Variants in AKT3 observed in about 807,000 individuals in gnomAD.
The protein encoded by AKT3 is RAC-gamma serine/threonine-protein kinase.
Under a neutral mutation model 65.3 loss-of-function variants are expected in AKT3, and 15 were observed. The ratio of observed to expected loss-of-function variants is 0.23; its 90% CI spans 0.15 to 0.35. The LOEUF is 0.35. Among genes scored for constraint, AKT3 ranks in the 10% least tolerant of loss-of-function variants. The probability of loss-of-function intolerance (pLI) is 1.00; values close to 1 mark genes in which losing one functional copy is unlikely to be tolerated. For synonymous variants in AKT3, 206 were observed against 183.8 expected, an observed-to-expected ratio of 1.12 and a Z score of -0.98; for missense variants, 243 against 576.5, an observed-to-expected ratio of 0.42 and a Z score of 5.92.
At chr1:243,779,958 C>T (rs954143639) in intron 2 of AKT3, among the ~76,000 whole-genome samples, 3 of 151,822 alleles carry the variant, frequency 2.0e-5, no homozygotes, top group African/African-American at 4.8e-5. Flanking sequence ...ACAGAATTCA[C>T]GAGGGAGAAA....
At chr1:243,673,835 G>A (rs1683319653) in intron 3 of AKT3, among the ~76,000 whole-genome samples, 2 of 152,092 alleles carry the variant, frequency 1.3e-5, no homozygotes, top group South Asian at 2.1e-4. Flanking sequence ...GGATGGTCTC[G>A]GTCTCTTGAC....
intron 6 of AKT3, among the ~76,000 whole-genome samples, chr1:243,637,285 A>C (rs1247380170): frequency 6.6e-6 from 1 of 152,134 alleles, no homozygotes; most frequent in Non-Finnish European, 1.5e-5. Context: ...CTTAATAAGA[A>C]ATTCAGAACG....
chr1:243,623,635 T>C (rs1232120820), intron 6 of AKT3, among the ~76,000 whole-genome samples: 2 of 152,186 alleles, frequency 1.3e-5, no homozygotes, highest in Admixed American at 6.5e-5. Context: ...CCAGGCTTTA[T>C]ACCAGCAACT....
chr1:243,717,087 C>T (rs1465130898), intron 2 of AKT3, among the ~76,000 whole-genome samples: 2 of 152,214 alleles, frequency 1.3e-5, no homozygotes, highest in Non-Finnish European at 2.9e-5. Flanking sequence ...CTTCCACACT[C>T]TACCCACCAG....
intron 2 of AKT3, among the ~76,000 whole-genome samples, chr1:243,724,751 T>C (rs543805197): frequency 1.3e-5 from 2 of 152,292 alleles, no homozygotes; most frequent in African/African-American, 4.8e-5. Flanking sequence ...CAGTATCTCC[T>C]GGGAGAAAAA....
chr1:243,738,480 G>C (rs148913316), intron 2 of AKT3, among the ~76,000 whole-genome samples: 3 of 152,192 alleles, frequency 2.0e-5, no homozygotes, highest in African/African-American at 7.2e-5. Flanking sequence ...ACTTTAGGGA[G>C]GTGTCTAGTA....
At chr1:243,499,669 TA>T, downstream of AKT3, 1 of 1,085,862 alleles carries the variant, frequency 9.2e-7, no homozygotes, top group Non-Finnish European at 1.4e-6. Context: ...GTTTTCATCA[TA>T]AAAGGTGACT....
intron 12 of AKT3, among the ~76,000 whole-genome samples, chr1:243,522,619 C>G (rs1011102955): frequency 6.6e-6 from 1 of 151,930 alleles, no homozygotes; most frequent in African/African-American, 2.4e-5. Context: ...CCCTGGGTGA[C>G]AGAGAGAGAC....
At chr1:243,823,036 C>T (rs950645199) in intron 2 of AKT3, among the ~76,000 whole-genome samples, 6 of 152,074 alleles carry the variant, frequency 3.9e-5, no homozygotes, top group Admixed American at 6.5e-5. Context: ...CTCAATAAAA[C>T]GCTGGCAAAG....
At chr1:243,615,816 T>A (rs892022928) in intron 6 of AKT3, among the ~76,000 whole-genome samples, 1 of 151,996 alleles carries the variant, frequency 6.6e-6, no homozygotes, top group African/African-American at 2.4e-5. Flanking sequence ...ACTGTAACCT[T>A]GAACTCCTGG....
intron 2 of AKT3, among the ~76,000 whole-genome samples, chr1:243,827,450 T>C (rs962621305): frequency 6.6e-6 from 1 of 152,176 alleles, no homozygotes; most frequent in Non-Finnish European, 1.5e-5. Flanking sequence ...CAATTTTTGT[T>C]ACTTTCATTT....
rs148408454 is a variant in AKT3, at chr1:243,655,062, T to C, written c.285-9025A>G. Among the ~76,000 whole-genome samples, 699 of 152,308 alleles carry C rather than the reference T, an allele frequency of 4.6e-3. 3 individuals carry two copies. The highest frequency in any genetic ancestry group is 5.5e-3 in the Non-Finnish European group (374 of 68,010). On this transcript the variant is annotated intron_variant, in intron 4 of 13. Coordinates refer to ENST00000673466, the MANE Select transcript of AKT3 (RefSeq NM_005465.7). ...CCTTCTAAGGCTCCAGTTATATATA[T>C]GTAAGACATGCTCACCGCATTGTTT...
intron 13 of AKT3, among the ~76,000 whole-genome samples, chr1:243,508,655 CT>C (rs369887012): frequency 5.3e-4 from 57 of 108,276 alleles, no homozygotes; most frequent in East Asian, 3.3e-3. Flanking sequence ...AAAAGCCAGA[CT>C]TTTTTTTTTT....
chr1:243,684,348 C>G (rs1684135517), intron 3 of AKT3, among the ~76,000 whole-genome samples: 9 of 152,024 alleles, frequency 5.9e-5, no homozygotes, highest in Admixed American at 5.9e-4. Context: ...TGATGTTCCC[C>G]TCCCTGTGTC....
chr1:243,724,550 G>A (rs1339442341), intron 2 of AKT3, among the ~76,000 whole-genome samples: 1 of 151,886 alleles, frequency 6.6e-6, no homozygotes, highest in Non-Finnish European at 1.5e-5. Flanking sequence ...ATAATTTAAG[G>A]GAATGAATCT....
chr1:243,621,849 C>T (rs1320535510), intron 6 of AKT3, among the ~76,000 whole-genome samples: 2 of 152,124 alleles, frequency 1.3e-5, no homozygotes, highest in African/African-American at 4.8e-5. Context: ...ATCTGTCAAG[C>T]AATCCTGTTG....
chr1:243,666,355 G>C (rs893103791), intron 3 of AKT3, among the ~76,000 whole-genome samples: 5 of 152,078 alleles, frequency 3.3e-5, no homozygotes, highest in African/African-American at 7.2e-5. Flanking sequence ...ATTCACCCAA[G>C]GGTCTCTGCT....
chr1:243,815,323 C>T (rs193052055), intron 2 of AKT3, among the ~76,000 whole-genome samples: 40 of 152,246 alleles, frequency 2.6e-4, no homozygotes, highest in Admixed American at 5.9e-4. Context: ...TTTCTATTTT[C>T]CATCTTATTG....
chr1:243,658,688 A>G (rs942840029), intron 4 of AKT3, among the ~76,000 whole-genome samples: 1 of 151,968 alleles, frequency 6.6e-6, no homozygotes, highest in Non-Finnish European at 1.5e-5. Context: ...TTGTTGCACT[A>G]TTCGCAATAG....
Sources: gnomAD v4.1 joint callset for allele counts (sites outside exome capture counted in the v4.1 genomes callset) on GRCh38, gnomAD v4.1.1 for gene constraint, MANE v1.5 for transcripts, NCBI Gene and HGNC (gene_info 2026-07-23, HGNC 2026-07-21) for gene names.